ARHGEF37: variants seen among roughly 807,000 people sequenced by gnomAD.
The protein encoded by ARHGEF37 is Rho guanine nucleotide exchange factor (GEF) 37.
Under a neutral mutation model 71.1 loss-of-function variants are expected in ARHGEF37, and 55 were observed. That is an observed-to-expected ratio of 0.77 (90% CI 0.62 to 0.97). The LOEUF is 0.97. Among genes scored for constraint, ARHGEF37 ranks in the 50% least tolerant of loss-of-function variants. ARHGEF37 has a pLI of 0.00. For missense variants in ARHGEF37, 765 were observed against 836.8 expected (o/e 0.91, Z 1.06); for synonymous variants, 327 against 350.6 (o/e 0.93, Z 0.75).
chr5:149,565,026 A>G (rs980340810), intron 1 of ARHGEF37, among the ~76,000 whole-genome samples: 1 of 152,208 alleles, frequency 6.6e-6, no homozygotes, highest in Admixed American at 6.5e-5. Flanking sequence ...CTGGACAGTC[A>G]GATGTTAAAT....
chr5:149,552,003 G>T (rs1470459777), exon 1 of ARHGEF37: 1 of 151,948 alleles, frequency 6.6e-6, no homozygotes, highest in African/African-American at 2.4e-5. Context: ...TATCTACTAC[G>T]GAGTGTTATA....
intron 1 of ARHGEF37, among the ~76,000 whole-genome samples, chr5:149,559,875 T>C (rs1422980638): frequency 6.6e-6 from 1 of 152,226 alleles, no homozygotes. Flanking sequence ...GCAAGTCTGT[T>C]GTTTGCAAGG....
intron 1 of ARHGEF37, among the ~76,000 whole-genome samples, chr5:149,556,992 T>C (rs1025370090): frequency 1.3e-5 from 2 of 152,234 alleles, no homozygotes; most frequent in African/African-American, 4.8e-5. Flanking sequence ...CTTTCTTTAA[T>C]CAGTCCCTGT....
chr5:149,600,389 A>G (rs1314387154), intron 2 of ARHGEF37, among the ~76,000 whole-genome samples: 1 of 152,200 alleles, frequency 6.6e-6, no homozygotes, highest in Non-Finnish European at 1.5e-5. Flanking sequence ...GCATTTATAT[A>G]GATGTCCTGC....
At chr5:149,610,793 C>T (rs1049304986) in intron 4 of ARHGEF37, among the ~76,000 whole-genome samples, 3 of 152,170 alleles carry the variant, frequency 2.0e-5, no homozygotes, top group Non-Finnish European at 4.4e-5. Context: ...GACAACAGAC[C>T]CTGTGTAGCG....
chr5:149,631,333 G>T (rs929193185), intron 12 of ARHGEF37, among the ~76,000 whole-genome samples: 4 of 151,804 alleles, frequency 2.6e-5, no homozygotes, highest in Admixed American at 2.6e-4. Context: ...ACCATGCCCG[G>T]CTAATTTTTG....
At chr5:149,583,226 T>G (rs79888176) in intron 1 of ARHGEF37, among the ~76,000 whole-genome samples, 2 of 152,328 alleles carry the variant, frequency 1.3e-5, no homozygotes, top group East Asian at 3.9e-4. Context: ...AACCTCCGCC[T>G]CCCGGGTTCA....
chr5:149,561,599 T>C (rs2113233871), intron 1 of ARHGEF37, among the ~76,000 whole-genome samples: 1 of 152,294 alleles, frequency 6.6e-6, no homozygotes, highest in East Asian at 1.9e-4. Flanking sequence ...ATCTACTCAT[T>C]GAAAACATTA....
Position 149,585,232 on chromosome 5 carries a change from G to T in ARHGEF37, c.-12+3608G>T, listed in dbSNP as rs1301383672. ...AAAATGGTACAACTACTTTCAAAAA[G>T]ATCTTAGTTAAATACACACTTAACT... On this transcript the variant is annotated intron_variant, in intron 1 of 12. Coordinates refer to ENST00000333677, the MANE Select transcript of ARHGEF37 (RefSeq NM_001001669.3). Among the ~76,000 whole-genome samples, 5 of 152,242 alleles carry T rather than the reference G, an allele frequency of 3.3e-5. No homozygotes were observed. The East Asian group carries it at 9.6e-4, about 29-fold the overall frequency.
intron 3 of ARHGEF37, among the ~76,000 whole-genome samples, chr5:149,608,145 G>T (rs911951189): frequency 6.6e-6 from 1 of 152,082 alleles, no homozygotes; most frequent in Non-Finnish European, 1.5e-5. Flanking sequence ...AATCACAATG[G>T]TGGAATGTCA....
intron 1 of ARHGEF37, among the ~76,000 whole-genome samples, chr5:149,563,654 G>C (rs962106167): frequency 1.3e-5 from 2 of 152,126 alleles, no homozygotes; most frequent in African/African-American, 4.8e-5. Flanking sequence ...AACCTTCCTG[G>C]GGGAGGGAGA....
rs373513139 is a variant in ARHGEF37, at chr5:149,573,009, G to T, written c.-12+20886G>T. Among the ~76,000 whole-genome samples, 122 of 152,266 alleles carry T rather than the reference G, an allele frequency of 8.0e-4. 2 individuals carry two copies. The South Asian group carries it at 0.024, about 31-fold the overall frequency. On this transcript the variant is annotated intron_variant, in intron 1 of 2. Coordinates refer to the ARHGEF37 transcript ENST00000505810. The stretch of plus-strand genomic sequence containing the variant: ...CCTGGCTTCTGGCAAGGACTTCTGC[G>T]CTGGGTCATAATCTGGCAGAAAAGG...
At chr5:149,581,963 A>G (rs1763119687) in intron 1 of ARHGEF37, among the ~76,000 whole-genome samples, 2 of 152,230 alleles carry the variant, frequency 1.3e-5, no homozygotes, top group Non-Finnish European at 2.9e-5. Flanking sequence ...GAATGCATAC[A>G]TTATAACAAC....
upstream of ARHGEF37, among the ~76,000 whole-genome samples, chr5:149,579,774 G>A (rs949644867): frequency 6.6e-6 from 1 of 151,424 alleles, no homozygotes; most frequent in Non-Finnish European, 1.5e-5. Context: ...TAGAGACGGG[G>A]TTTCAACATG....
chr5:149,588,758 G>A (rs942880065), intron 1 of ARHGEF37, among the ~76,000 whole-genome samples: 3 of 151,814 alleles, frequency 2.0e-5, no homozygotes, highest in Non-Finnish European at 2.9e-5. Flanking sequence ...GAAAGGGAAA[G>A]AAAAAAAATT....
chr5:149,599,617 G>T (rs1054478215), intron 2 of ARHGEF37, among the ~76,000 whole-genome samples: 4 of 152,064 alleles, frequency 2.6e-5, no homozygotes, highest in African/African-American at 9.7e-5. Context: ...TGTCTCATTT[G>T]CAGGGTGGTG....
chr5:149,585,911 G>A (rs1374475455), intron 1 of ARHGEF37, among the ~76,000 whole-genome samples: 1 of 152,226 alleles, frequency 6.6e-6, no homozygotes, highest in East Asian at 1.9e-4. Context: ...ACCAAGAGTT[G>A]TGTATGACCA....
chr5:149,590,364 C>T (rs912888473), intron 1 of ARHGEF37, among the ~76,000 whole-genome samples: 4 of 151,518 alleles, frequency 2.6e-5, no homozygotes, highest in African/African-American at 7.3e-5. Flanking sequence ...TCACAGCAAC[C>T]TCTGCCTCCC....
intron 1 of ARHGEF37, among the ~76,000 whole-genome samples, chr5:149,586,752 T>G (rs1195486998): frequency 6.6e-6 from 1 of 152,234 alleles, no homozygotes; most frequent in Non-Finnish European, 1.5e-5. Flanking sequence ...CAACACTCTT[T>G]GAATTTAGTA....
Sources: allele counts gnomAD v4.1 joint callset (sites outside exome capture counted in the v4.1 genomes callset), GRCh38; gene constraint gnomAD v4.1.1; transcripts MANE v1.5; gene names NCBI Gene and HGNC (gene_info 2026-07-23, HGNC 2026-07-21).